TMEM132D: variants seen among roughly 807,000 people sequenced by gnomAD.
The protein encoded by TMEM132D is mature OL transmembrane protein.
In TMEM132D, 21 loss-of-function variants were observed where a neutral mutation model predicts 62.3. The observed-to-expected ratio is 0.34, with a 90% CI of 0.24 to 0.49. TMEM132D has a LOEUF of 0.49. Among genes scored for constraint, TMEM132D ranks in the 20% least tolerant of loss-of-function variants. The pLI is 0.99. For missense variants in TMEM132D, 1,346 were observed against 1,402.8 expected (o/e 0.96, Z 0.65); for synonymous variants, 621 against 575.6 (o/e 1.08, Z -1.13).
intron 3 of TMEM132D, among the ~76,000 whole-genome samples, chr12:129,523,425 G>T (rs559877709): frequency 1.3e-5 from 2 of 152,226 alleles, no homozygotes; most frequent in East Asian, 3.9e-4. Flanking sequence ...TGTAATTATT[G>T]TTGCTATTAG....
chr12:129,794,144 G>A (rs927575180), intron 1 of TMEM132D, among the ~76,000 whole-genome samples: 9 of 149,388 alleles, frequency 6.0e-5, no homozygotes, highest in African/African-American at 9.9e-5. Flanking sequence ...GCTGGAGTGC[G>A]GTGGTGCAAC....
chr12:129,177,565 C>G (rs1021509046), intron 5 of TMEM132D, among the ~76,000 whole-genome samples: 2 of 152,048 alleles, frequency 1.3e-5, no homozygotes, highest in Non-Finnish European at 2.9e-5. Context: ...CAAGACCAGC[C>G]TGGACAACAT....
Position 129,610,013 on chromosome 12 carries a change from T to C in TMEM132D, c.969-78808A>G, listed in dbSNP as rs144966391. Among the ~76,000 whole-genome samples, 29 of 152,308 alleles carry C rather than the reference T, an allele frequency of 1.9e-4. 1 individual carries two copies. In the East Asian group the frequency reaches 5.2e-3, roughly 27 times the overall value. On this transcript the variant is annotated intron_variant, in intron 2 of 8. Coordinates refer to ENST00000422113, the MANE Select transcript of TMEM132D (RefSeq NM_133448.3). ...GGCTGGGCACAGTGGCTCACACTTG[T>C]AATCCCAACGCTTTGGGAGACCGAG...
At chr12:129,401,444 CT>C (rs1218415157) in intron 3 of TMEM132D, among the ~76,000 whole-genome samples, 1 of 152,126 alleles carries the variant, frequency 6.6e-6, no homozygotes, top group African/African-American at 2.4e-5. Context: ...TGGCATGAGC[CT>C]GTAGTCCCAG....
In TMEM132D at chr12:129,435,393, C is replaced by T. The variant is rs75992108; in HGVS notation, c.1115+95666G>A. ...ATTTTTTAATTTTTTAAGGTGCCTA[C>T]ATACTAATGTCCATAGCGGCTATAC... On this transcript the variant is annotated intron_variant, in intron 3 of 8. Coordinates refer to ENST00000422113, the MANE Select transcript of TMEM132D (RefSeq NM_133448.3). Among the ~76,000 whole-genome samples the T allele has an allele frequency of 4.6e-3, 704 of 152,310 alleles. 6 individuals are homozygous for T. Among genetic ancestry groups the T allele is most frequent in the African/African-American group, 0.016 (675 of 41,562 alleles).
intron 3 of TMEM132D, among the ~76,000 whole-genome samples, chr12:129,506,748 C>T (rs4759952): frequency 0.43 from 64,649 of 151,956 alleles, 13,932 homozygotes; most frequent in African/African-American, 0.49. Context: ...CCTGGAACTA[C>T]AAAAATTCTA....
intron 5 of TMEM132D, among the ~76,000 whole-genome samples, chr12:129,191,266 C>T (rs1030924097): frequency 1.4e-5 from 2 of 145,572 alleles, no homozygotes; most frequent in African/African-American, 5.1e-5. Context: ...CATATCTTGC[C>T]GAAAAGACAC....
intron 2 of TMEM132D, among the ~76,000 whole-genome samples, chr12:129,620,797 A>C (rs1879044780): frequency 6.6e-6 from 1 of 151,884 alleles, no homozygotes; most frequent in Non-Finnish European, 1.5e-5. Flanking sequence ...CATGGGGGAG[A>C]AAAACACACA....
intron 1 of TMEM132D, among the ~76,000 whole-genome samples, chr12:129,803,014 T>A (rs1211685018): frequency 1.3e-5 from 2 of 150,696 alleles, no homozygotes; most frequent in African/African-American, 2.4e-5. Flanking sequence ...ATGCACCCAA[T>A]ACAGGAGCAC....
At chr12:129,292,641 A>C (rs1422986043) in intron 4 of TMEM132D, among the ~76,000 whole-genome samples, 2 of 152,226 alleles carry the variant, frequency 1.3e-5, no homozygotes, top group African/African-American at 4.8e-5. Flanking sequence ...GAGTATAGAC[A>C]CATGCAAGGA....
At chr12:129,705,230 CAA>C (rs72225099) in intron 1 of TMEM132D, among the ~76,000 whole-genome samples, 7,884 of 151,792 alleles carry the variant, frequency 0.052, 287 homozygotes, top group South Asian at 0.1. Flanking sequence ...CATTAAAAGG[CAA>C]AAAAAGAAAC....
intron 5 of TMEM132D, among the ~76,000 whole-genome samples, chr12:129,113,653 C>T (rs560810965): frequency 9.9e-5 from 15 of 152,044 alleles, no homozygotes; most frequent in Non-Finnish European, 1.6e-4. Flanking sequence ...GTAGACCCGT[C>T]GGCCAGCGAA....
chr12:129,487,592 G>A (rs902555335), intron 3 of TMEM132D, among the ~76,000 whole-genome samples: 5 of 151,984 alleles, frequency 3.3e-5, no homozygotes, highest in African/African-American at 9.7e-5. Context: ...TGTTGAAAGT[G>A]AATCCCAATG....
chr12:129,536,252 A>C (rs1876384536), intron 2 of TMEM132D, among the ~76,000 whole-genome samples: 1 of 152,216 alleles, frequency 6.6e-6, no homozygotes, highest in Admixed American at 6.5e-5. Flanking sequence ...CACCCACCAA[A>C]GGGTGCCACA....
At chr12:129,332,155 T>C (rs1301311384) in intron 4 of TMEM132D, among the ~76,000 whole-genome samples, 1 of 152,188 alleles carries the variant, frequency 6.6e-6, no homozygotes, top group African/African-American at 2.4e-5. Context: ...TGAATGCTAA[T>C]GCACCTTTAA....
chr12:129,190,112 GGGGTCTTGGGGGCCTGCAGAT>G (rs1878343192), intron 5 of TMEM132D, among the ~76,000 whole-genome samples: 6 of 27,356 alleles, frequency 2.2e-4, no homozygotes, highest in Admixed American at 1.9e-3. Context: ...GATGGAGGGA[GGGGTCTTGGGGGCCTGCAGAT>G]GGAGGGAGGG....
intron 2 of TMEM132D, among the ~76,000 whole-genome samples, chr12:129,618,718 T>C (rs919261205): frequency 6.6e-6 from 1 of 152,164 alleles, no homozygotes; most frequent in African/African-American, 2.4e-5. Context: ...AACCCAAAAG[T>C]ATTTGAGACA....
intron 2 of TMEM132D, among the ~76,000 whole-genome samples, chr12:129,644,587 G>A (rs1879722429): frequency 6.6e-6 from 1 of 152,048 alleles, no homozygotes; most frequent in Non-Finnish European, 1.5e-5. Flanking sequence ...CCATTTTACA[G>A]TGCCGTTACA....
intron 1 of TMEM132D, among the ~76,000 whole-genome samples, chr12:129,704,307 A>G (rs1302060266): frequency 6.6e-6 from 1 of 152,276 alleles, no homozygotes; most frequent in Non-Finnish European, 1.5e-5. Flanking sequence ...CTACCCTGAT[A>G]TCTGCAAGAG....
Sources: gnomAD v4.1 joint callset for allele counts (sites outside exome capture counted in the v4.1 genomes callset) on GRCh38, gnomAD v4.1.1 for gene constraint, MANE v1.5 for transcripts, NCBI Gene and HGNC (gene_info 2026-07-23, HGNC 2026-07-21) for gene names.